The following XPOT variants were observed in gnomAD, a reference collection of about 807,000 sequenced individuals.
XPOT encodes the protein exportin for tRNA.
In XPOT, 34 loss-of-function variants were observed where a neutral mutation model predicts 128.2. The ratio of observed to expected loss-of-function variants is 0.27; its 90% CI spans 0.20 to 0.35. The LOEUF is 0.35. Among genes scored for constraint, XPOT ranks in the 10% least tolerant of loss-of-function variants. XPOT has a pLI of 1.00. For missense variants in XPOT, 838 were observed against 1,125.3 expected, an observed-to-expected ratio of 0.74 and a Z score of 3.65; for synonymous variants, 348 against 394.3, an observed-to-expected ratio of 0.88 and a Z score of 1.39.
intron 23 of XPOT, among the ~76,000 whole-genome samples, chr12:64,441,623 T>C (rs1013484435): frequency 2.6e-5 from 4 of 152,228 alleles, no homozygotes; most frequent in African/African-American, 9.6e-5. Context: ...TTGCCTTGAA[T>C]CTGTACGTCA....
chr12:64,433,452 C>A lies in XPOT; in HGVS notation c.2301C>A (p.Pro767=). ...CGTTTTTACAACAGATGTTCATGCCCCTGCTTCATGCAATTTTTGAAGTGC... is the reference window on the plus strand; with the variant it reads ...CGTTTTTACAACAGATGTTCATGCCACTGCTTCATGCAATTTTTGAAGTGC... ...VSPFLQQMFM[P]LLHAIFEVLL... is the part of the protein sequence containing the mutation. The change falls in exon 19 of 25, where the codon CCC becomes CCA. Residue 767 remains proline (P), a synonymous_variant. Coordinates refer to ENST00000332707, the MANE Select transcript of XPOT (RefSeq NM_007235.6). The A allele has an allele frequency of 6.3e-7, 1 of 1,599,080 alleles. No homozygotes were observed. The highest frequency in any genetic ancestry group is 8.5e-7 in the Non-Finnish European group (1 of 1,170,422).
intron 23 of XPOT, among the ~76,000 whole-genome samples, chr12:64,443,685 C>T (rs1241929597): frequency 6.6e-6 from 1 of 151,992 alleles, no homozygotes; most frequent in Non-Finnish European, 1.5e-5. Flanking sequence ...GAACTCCAGA[C>T]CTCAAGTGAT....
At chr12:64,407,906 T>C (rs948762319) in intron 1 of XPOT, among the ~76,000 whole-genome samples, 1 of 152,162 alleles carries the variant, frequency 6.6e-6, no homozygotes, top group East Asian at 1.9e-4. Flanking sequence ...TATCCTGAGT[T>C]ATTTGATTCA....
At chr12:64,444,429 G>T (rs182395137) in intron 23 of XPOT, among the ~76,000 whole-genome samples, 44 of 152,190 alleles carry the variant, frequency 2.9e-4, no homozygotes, top group African/African-American at 9.6e-4. Context: ...ACAGATAAAT[G>T]GATAAACAAA....
intron 1 of XPOT, 33 bp from the exon 2 acceptor site, chr12:64,409,929 A>C (rs979345967): frequency 3.7e-6 from 3 of 817,394 alleles, no homozygotes; most frequent in Non-Finnish European, 6.3e-6. Flanking sequence ...TTTATCAAGT[A>C]ATGTTTTCTT....
In XPOT at chr12:64,420,075, T is replaced by C. The variant is rs1565797046; in HGVS notation, c.495T>C (p.Ala165=). ...TTTGGCGTTTTGTATTTTAGGAGGC[T>C]CGTAGGAATACTCTCATAAAAGATA... ...DRDVVHTSEE[A]RRNTLIKDTM... is the part of the protein sequence containing the mutation. The change falls in exon 7 of 25, where the codon GCT becomes GCC. Residue 165 remains alanine, a synonymous_variant. Transcript: ENST00000332707. 6.4e-7 allele frequency: 1 copy of C among 1,560,888 alleles called. No individual in the cohort carries two copies. Among genetic ancestry groups the C allele is most frequent in the Non-Finnish European group, 8.6e-7 (1 of 1,161,530 alleles).
chr12:64,447,403 AT>A lies in XPOT; in HGVS notation c.2863-701del, dbSNP rs372543477. On this transcript the variant is annotated intron_variant, in intron 24 of 24. Transcript: ENST00000332707. ...AATTTTGACTTGGAAGTACTTTTGA[AT>A]CATCAAATAAATAGTAAATTCCTTA... is the stretch of plus-strand genomic sequence containing the variant. Among the ~76,000 whole-genome samples, 42 of 152,288 alleles carry A rather than the reference AT, an allele frequency of 2.8e-4. No individual in the cohort carries two copies. The East Asian group carries it at 7.7e-3, about 28-fold the overall frequency.
chr12:64,413,877 G>C (rs1403470892), intron 2 of XPOT, among the ~76,000 whole-genome samples: 1 of 152,092 alleles, frequency 6.6e-6, no homozygotes, highest in Non-Finnish European at 1.5e-5. Flanking sequence ...AAAAATTATT[G>C]TTCAGGACCC....
At chr12:64,440,555 A>G (rs774564776) in intron 23 of XPOT, among the ~76,000 whole-genome samples, 39 of 152,306 alleles carry the variant, frequency 2.6e-4, no homozygotes, top group Admixed American at 5.2e-4. Context: ...TATAGTGGCT[A>G]TACACCATTT....
intron 1 of XPOT, chr12:64,405,171 A>T (rs911070885): frequency 1.3e-5 from 2 of 152,416 alleles, no homozygotes; most frequent in African/African-American, 4.8e-5. Flanking sequence ...AGCGTTATCA[A>T]CTGTGGAGAC....
rs2040025341 is a variant in XPOT, at chr12:64,410,244, T to C, written c.60+149T>C. The C allele has an allele frequency of 9.4e-6, 6 of 636,486 alleles. No individual in the cohort carries two copies. In the South Asian group the frequency reaches 1.1e-4, roughly 11 times the overall value. 39.4% of individuals were successfully genotyped at this position (636,486 alleles called of 1,614,324 possible). On this transcript the variant is annotated intron_variant, in intron 2 of 24. Coordinates refer to ENST00000332707, the MANE Select transcript of XPOT (RefSeq NM_007235.6). ...GAGGTATTTGAATATATTTTGAATA[T>C]AGAAACAGTGAGTGTTGTGATTTAT... is the stretch of plus-strand genomic sequence containing the variant.
intron 22 of XPOT, 91 bp downstream of exon 22, chr12:64,435,765 CTT>C (rs1416420971): frequency 7.4e-7 from 1 of 1,353,892 alleles, no homozygotes; most frequent in Non-Finnish European, 9.9e-7. Context: ...TAAAATTTAA[CTT>C]TTGTTTTGAC....
intron 24 of XPOT, among the ~76,000 whole-genome samples, chr12:64,447,654 A>G (rs1311940343): frequency 1.3e-5 from 2 of 151,996 alleles, no homozygotes; most frequent in Non-Finnish European, 2.9e-5. Flanking sequence ...AATTTTTTCT[A>G]TTTTGAGTAA....
At chr12:64,440,537 C>T (rs1260191824) in intron 23 of XPOT, among the ~76,000 whole-genome samples, 3 of 152,156 alleles carry the variant, frequency 2.0e-5, no homozygotes, top group East Asian at 3.9e-4. Context: ...AAACATCTTA[C>T]TATTTTCTAT....
At chr12:64,407,708 A>G (rs997928259) in intron 1 of XPOT, among the ~76,000 whole-genome samples, 4 of 152,222 alleles carry the variant, frequency 2.6e-5, no homozygotes, top group African/African-American at 9.6e-5. Context: ...GTAGAATACC[A>G]CTGGAGAACT....
chr12:64,425,022 T>C lies in XPOT; in HGVS notation c.1308-16T>C. 1 of 1,612,122 alleles carries C rather than the reference T, an allele frequency of 6.2e-7. No homozygotes were observed. Among genetic ancestry groups the C allele is most frequent in the Non-Finnish European group, 8.5e-7 (1 of 1,179,880 alleles). ...AATTTATCTTTAAATCTCACTGACA[T>C]ATTATACCTTGGTAGGAATTGGCAG... is the stretch of plus-strand genomic sequence containing the variant. On this transcript the variant is annotated splice_polypyrimidine_tract_variant and intron_variant, in intron 12 of 24. Transcript: ENST00000332707.
Position 64,450,514 on chromosome 12 carries a change from G to T in XPOT, c.*2383G>T, listed in dbSNP as rs188042173. The T allele has an allele frequency of 3.9e-5, 6 of 152,292 alleles. No individual in the cohort carries two copies. Among genetic ancestry groups the T allele is most frequent in the Non-Finnish European group, 7.4e-5 (5 of 68,026 alleles). The allele number at this position is 152,292 out of a possible 1,614,324, so 9.4% of individuals were successfully genotyped here. On this transcript the variant is annotated 3_prime_UTR_variant, in exon 25 of 25. Coordinates refer to ENST00000332707, the MANE Select transcript of XPOT (RefSeq NM_007235.6). ...CAGAGCTCTTTAAAGCTCTGCAGAA[G>T]ATTTACATGTGTTTATAGAGCTAAG...
At chr12:64,443,613 C>T (rs1241498900) in intron 23 of XPOT, among the ~76,000 whole-genome samples, 1 of 152,090 alleles carries the variant, frequency 6.6e-6, no homozygotes, top group East Asian at 1.9e-4. Flanking sequence ...TGCCACCACA[C>T]CTGGCTAGTT....
At chr12:64,429,940 A>T in intron 16 of XPOT, 109 bp from the exon 17 acceptor site, 2 of 1,009,204 alleles carry the variant, frequency 2.0e-6, no homozygotes, top group Non-Finnish European at 2.9e-6. Context: ...AGTATTTGAC[A>T]TATGAGTTGG....
Sources: allele counts gnomAD v4.1 joint callset (sites outside exome capture counted in the v4.1 genomes callset), GRCh38; gene constraint gnomAD v4.1.1; transcripts MANE v1.5; gene names NCBI Gene and HGNC (gene_info 2026-07-23, HGNC 2026-07-21).